The following ELP4 variants were observed in gnomAD, a reference collection of about 807,000 sequenced individuals.
ELP4 encodes the protein elongator acetyltransferase complex subunit 4, also known as elongator complex protein 4.
Under a neutral mutation model 48.9 loss-of-function variants are expected in ELP4, and 51 were observed. The observed-to-expected ratio is 1.04, with a 90% CI of 0.83 to 1.32. The LOEUF (loss-of-function observed/expected upper bound fraction) is 1.32, where lower values mean the gene tolerates loss of function less well. ELP4 is among the 40% of genes most tolerant of loss of function. The probability of loss-of-function intolerance (pLI) is 0.00; values close to 1 mark genes in which losing one functional copy is unlikely to be tolerated. For synonymous variants in ELP4, 210 were observed against 189.2 expected, an observed-to-expected ratio of 1.11 and a Z score of -0.90; for missense variants, 519 against 514.6, an observed-to-expected ratio of 1.01 and a Z score of -0.08.
intron 9 of ELP4, among the ~76,000 whole-genome samples, chr11:31,675,736 A>C (rs1565106729): frequency 6.6e-6 from 1 of 152,166 alleles, no homozygotes; most frequent in East Asian, 1.9e-4. Context: ...ATAGTTATAC[A>C]ATCTTTTTCA....
intron 9 of ELP4, among the ~76,000 whole-genome samples, chr11:31,737,031 A>G (rs544832735): frequency 2.0e-5 from 3 of 152,346 alleles, no homozygotes; most frequent in South Asian, 4.1e-4. Context: ...TGTTTATTGC[A>G]GCACTATTCA....
At chr11:31,638,805 C>A (rs1378285426) in intron 7 of ELP4, among the ~76,000 whole-genome samples, 1 of 151,806 alleles carries the variant, frequency 6.6e-6, no homozygotes, top group African/African-American at 2.4e-5. Flanking sequence ...CAATGGACCG[C>A]TTTAGAACTA....
chr11:31,631,820 T>C (rs567640887), intron 6 of ELP4, among the ~76,000 whole-genome samples: 1 of 152,250 alleles, frequency 6.6e-6, no homozygotes, highest in Admixed American at 6.5e-5. Flanking sequence ...TGAGAAATAT[T>C]GAACAATTTA....
Position 31,620,887 on chromosome 11 carries a change from C to G in ELP4, c.654-6223C>G, listed in dbSNP as rs151012375. On this transcript the variant is annotated intron_variant, in intron 5 of 9. Transcript: ENST00000640961. ...ATTGTTCTTCTTGGTGCCCTTAATA[C>G]ATTCCTACACTTTATATGTTCTTAG... is the stretch of plus-strand genomic sequence containing the variant. Among the ~76,000 whole-genome samples the G allele has an allele frequency of 1.6e-3, 240 of 152,008 alleles. 2 individuals carry two copies. Among genetic ancestry groups the G allele is most frequent in the African/African-American group, 5.4e-3 (223 of 41,514 alleles).
chr11:31,612,949 G>T (rs1307632805), intron 5 of ELP4, among the ~76,000 whole-genome samples: 1 of 152,146 alleles, frequency 6.6e-6, no homozygotes, highest in African/African-American at 2.4e-5. Context: ...CCAACCAAAT[G>T]TCCCAAATAT....
chr11:31,592,017 G>T (rs1957587455), intron 3 of ELP4, among the ~76,000 whole-genome samples: 2 of 152,120 alleles, frequency 1.3e-5, no homozygotes, highest in African/African-American at 4.8e-5. Context: ...GTATTGTATG[G>T]TTCCATTTAT....
At position 31,766,774 on chromosome 11, in the gene ELP4, G is replaced by A. The variant is rs184919688; in HGVS notation, c.1144-16619G>A. Among the ~76,000 whole-genome samples, 244 of 152,082 alleles carry A rather than the reference G, an allele frequency of 1.6e-3. 2 individuals carry two copies. Among genetic ancestry groups the A allele is most frequent in the African/African-American group, 5.1e-3 (213 of 41,518 alleles). ...TCATTTAGAAACAGAACTACTAAGT[G>A]TTTGTAATATACTCTGTAATTTACA... On this transcript the variant is annotated intron_variant, in intron 9 of 9. Coordinates refer to ENST00000640961, the MANE Select transcript of ELP4 (RefSeq NM_019040.5).
At chr11:31,640,687 T>C (rs1337817226) in intron 7 of ELP4, among the ~76,000 whole-genome samples, 1 of 151,946 alleles carries the variant, frequency 6.6e-6, no homozygotes, top group African/African-American at 2.4e-5. Context: ...AGCCACAAAA[T>C]GTAACACTTA....
At chr11:31,779,603 G>C (rs1286095817) in intron 9 of ELP4, 1 of 152,264 alleles carries the variant, frequency 6.6e-6, no homozygotes, top group African/African-American at 2.4e-5. Context: ...TTCTGCTGCT[G>C]CTGCCTTATT....
chr11:31,565,551 T>C (rs2133948319), intron 3 of ELP4, among the ~76,000 whole-genome samples: 1 of 147,184 alleles, frequency 6.8e-6, no homozygotes, highest in Non-Finnish European at 1.5e-5. Flanking sequence ...AATTTTTGTA[T>C]AAGGTGTAAG....
At chr11:31,718,096 T>C (rs950917629) in intron 9 of ELP4, among the ~76,000 whole-genome samples, 3 of 152,108 alleles carry the variant, frequency 2.0e-5, no homozygotes, top group African/African-American at 7.2e-5. Context: ...TGAGCCCAGC[T>C]CCTAAAACTC....
chr11:31,789,956 T>C lies in ELP4; in HGVS notation c.*6432T>C. On this transcript the variant is annotated 3_prime_UTR_variant, in exon 10 of 10. Coordinates refer to ENST00000640961, the MANE Select transcript of ELP4 (RefSeq NM_019040.5). ...TTTTTACTGTAATCTTGGCCAGTAT[T>C]GAGACATATCAGGTTCACTTCCGGG... is the stretch of plus-strand genomic sequence containing the variant. 1 of 1,597,694 alleles carries C rather than the reference T, an allele frequency of 6.3e-7. No homozygotes were observed. Among genetic ancestry groups the C allele is most frequent in the Non-Finnish European group, 8.5e-7 (1 of 1,169,686 alleles).
At chr11:31,595,901 TC>T (rs1449134116) in intron 4 of ELP4, among the ~76,000 whole-genome samples, 6 of 152,068 alleles carry the variant, frequency 3.9e-5, no homozygotes, top group Non-Finnish European at 2.9e-5. Context: ...TTTAGCCTCT[TC>T]CTCCTGTGTA....
At chr11:31,722,083 G>A (rs1946974537) in intron 9 of ELP4, among the ~76,000 whole-genome samples, 1 of 152,052 alleles carries the variant, frequency 6.6e-6, no homozygotes, top group Admixed American at 6.5e-5. Context: ...TAACTTAATG[G>A]TACTTTATAT....
intron 6 of ELP4, among the ~76,000 whole-genome samples, chr11:31,630,292 T>C (rs965727268): frequency 1.3e-5 from 2 of 149,650 alleles, no homozygotes; most frequent in Non-Finnish European, 3.0e-5. Flanking sequence ...ATCCCTTCAA[T>C]TGTATTGAAT....
intron 5 of ELP4, among the ~76,000 whole-genome samples, chr11:31,617,062 G>T (rs982065278): frequency 6.6e-6 from 1 of 151,956 alleles, no homozygotes; most frequent in Non-Finnish European, 1.5e-5. Context: ...CCACTTCTAG[G>T]TATATGTCCA....
chr11:31,675,649 G>T (rs1207080102), intron 9 of ELP4, among the ~76,000 whole-genome samples: 1 of 152,120 alleles, frequency 6.6e-6, no homozygotes, highest in African/African-American at 2.4e-5. Flanking sequence ...GCTATACATG[G>T]TTTCTGTTCT....
chr11:31,582,896 G>T lies in ELP4; in HGVS notation c.382-11874G>T, dbSNP rs371193126. 5.3e-5 allele frequency among the ~76,000 whole-genome samples: 8 copies of T among 152,068 alleles called. No individual in the cohort carries two copies. In the East Asian group the frequency reaches 9.7e-4, roughly 18 times the overall value. On this transcript the variant is annotated intron_variant, in intron 3 of 9. Transcript: ENST00000640961. ...AGTGGGAGGCAACTGTGGTGGGGGC[G>T]GGGTGGGGGACAGTGGAAGGGAAGA...
intron 2 of ELP4, among the ~76,000 whole-genome samples, chr11:31,528,532 G>A (rs752694791): frequency 1.3e-5 from 2 of 152,016 alleles, no homozygotes; most frequent in South Asian, 2.1e-4. Flanking sequence ...AATGTTTAAC[G>A]GGTTATGCTT....
Sources: gnomAD v4.1 joint callset for allele counts (sites outside exome capture counted in the v4.1 genomes callset) on GRCh38, gnomAD v4.1.1 for gene constraint, MANE v1.5 for transcripts, NCBI Gene and HGNC (gene_info 2026-07-23, HGNC 2026-07-21) for gene names.